Variants in MARF1 observed in about 807,000 individuals in gnomAD.
MARF1 encodes limkain-b1.
In MARF1, 24 loss-of-function variants were observed where a neutral mutation model predicts 168.2. The observed-to-expected ratio is 0.14, with a 90% CI of 0.10 to 0.20. The LOEUF is 0.20. Ranked by LOEUF, MARF1 falls within the 10% of genes least tolerant of loss-of-function variation. MARF1 has a pLI of 1.00. For missense variants in MARF1, 1,744 were observed against 2,143.6 expected, an observed-to-expected ratio of 0.81 and a Z score of 3.68; for synonymous variants, 868 against 822.4, an observed-to-expected ratio of 1.06 and a Z score of -0.95.
At chr16:15,623,368 C>G (rs921074815) in intron 10 of MARF1, among the ~76,000 whole-genome samples, 2 of 150,528 alleles carry the variant, frequency 1.3e-5, no homozygotes, top group Non-Finnish European at 2.9e-5. Context: ...CAACCTCCAC[C>G]TCCTGGATTC....
In MARF1 at chr16:15,624,914, T is replaced by G; in HGVS notation, c.2125A>C (p.Ser709Arg). Residue 709 changes from serine to arginine, a missense_variant, in exon 10 of 27, where the codon AGT becomes CGT. Ser to Arg is a moderately radical substitution (Grantham distance 110). Coordinates refer to ENST00000396368, the MANE Select transcript of MARF1 (RefSeq NM_014647.4). Reference protein sequence around the residue: ...YKTSQKKENLSARSVTSSPVE... With the variant: ...YKTSQKKENLRARSVTSSPVE... Reference sequence around the variant, plus strand: ...GGAGAACTGGTAACACTTCGGGCACTGAGGTTCTCCTTTCTAACAGAAGGG... The same window carrying G: ...GGAGAACTGGTAACACTTCGGGCACGGAGGTTCTCCTTTCTAACAGAAGGG... The G allele has an allele frequency of 6.2e-7, 1 of 1,614,142 alleles. No homozygotes were observed. The highest frequency in any genetic ancestry group is 8.5e-7 in the Non-Finnish European group (1 of 1,180,012).
rs1167226667 is a variant in MARF1 at position 15,643,064 on chromosome 16, TC to T, written c.-106del. The T allele has an allele frequency of 1.4e-5, 4 of 280,286 alleles. No individual in the cohort carries two copies. Among genetic ancestry groups the T allele is most frequent in the Non-Finnish European group, 2.7e-5 (4 of 146,238 alleles). 17.4% of individuals were successfully genotyped at this position (280,286 alleles called of 1,614,324 possible). A position where few individuals can be genotyped will look rare whatever the true frequency, so the allele number is the denominator to read the frequency against. On this transcript the variant is annotated 5_prime_UTR_variant, in exon 1 of 27. Coordinates refer to ENST00000396368, the MANE Select transcript of MARF1 (RefSeq NM_014647.4). ...CGCTCACATTCCGGCCCCGCCGCCT[TC>T]CCCCCGCCCCCCCCAGGCCCTTTGT...
At chr16:15,619,512 C>G (rs758877570) in intron 13 of MARF1, among the ~76,000 whole-genome samples, 91 of 152,294 alleles carry the variant, frequency 6.0e-4, no homozygotes, top group Admixed American at 1.8e-3. Context: ...CACCTTTCCC[C>G]TCCCCTCCTT....
Position 15,604,281 on chromosome 16 carries a change from C to G in MARF1, c.4300G>C (p.Val1434Leu). Reference protein sequence around the residue: ...MSWEGTTHLSVEELKRHYEST... With the variant: ...MSWEGTTHLSLEELKRHYEST... ...TCGTAATGTCTCTTGAGCTCCTCAACAGAAAGATGGGTGGTTCCTTCCCAA... is the reference window on the plus strand; with the variant it reads ...TCGTAATGTCTCTTGAGCTCCTCAAGAGAAAGATGGGTGGTTCCTTCCCAA... Residue 1434 changes from valine (V) to leucine (L), a missense_variant, in exon 22 of 27, where the codon GTT becomes CTT. Val to Leu is a conservative substitution (Grantham distance 32). Coordinates refer to ENST00000396368, the MANE Select transcript of MARF1 (RefSeq NM_014647.4). The G allele has an allele frequency of 6.2e-7, 1 of 1,613,934 alleles. No individual in the cohort carries two copies. Among genetic ancestry groups the G allele is most frequent in the Non-Finnish European group, 8.5e-7 (1 of 1,179,828 alleles).
intron 13 of MARF1, among the ~76,000 whole-genome samples, chr16:15,618,978 TA>T (rs1276837862): frequency 6.6e-6 from 1 of 152,210 alleles, no homozygotes; most frequent in African/African-American, 2.4e-5. Context: ...GCTTGCTACA[TA>T]AAACTAGTTA....
Position 15,611,651 on chromosome 16 carries a change from A to G in MARF1, c.3558T>C (p.Leu1186=). 6.2e-7 allele frequency: 1 copy of G among 1,614,076 alleles called. No homozygotes were observed. The highest frequency in any genetic ancestry group is 8.5e-7 in the Non-Finnish European group (1 of 1,179,994). ...VKRFTQDLLK[L]LKSQASKQVI... ...CCTGTTTGCTGGCCTGGGATTTGAG[A>G]AGTTTTAGTAAATCCTGAGTAAAGC... The change falls in exon 18 of 27, where the codon CTT becomes CTC. Residue 1186 remains leucine, a synonymous_variant. Coordinates refer to ENST00000396368, the MANE Select transcript of MARF1 (RefSeq NM_014647.4).
intron 26 of MARF1, among the ~76,000 whole-genome samples, chr16:15,598,328 T>C (rs1279954231): frequency 6.6e-6 from 1 of 152,172 alleles, no homozygotes; most frequent in Admixed American, 6.5e-5. Flanking sequence ...TGATGGTGTC[T>C]GTCAGCCCTG....
intron 2 of MARF1, 76 bp downstream of exon 2, chr16:15,639,014 T>C (rs1256897884): frequency 2.8e-6 from 4 of 1,442,170 alleles, no homozygotes; most frequent in African/African-American, 1.4e-5. Flanking sequence ...TGAGAGACTG[T>C]ATCCCAGACC....
chr16:15,638,927 T>C (rs2035769934), intron 2 of MARF1, among the ~76,000 whole-genome samples, 163 bp downstream of exon 2: 1 of 152,238 alleles, frequency 6.6e-6, no homozygotes, highest in Admixed American at 6.5e-5. Context: ...AAAATTGTGC[T>C]GTGCTCTCAC....
intron 10 of MARF1, among the ~76,000 whole-genome samples, chr16:15,624,072 C>T (rs1015398760): frequency 1.3e-5 from 2 of 152,078 alleles, no homozygotes; most frequent in Admixed American, 1.3e-4. Flanking sequence ...CTACCACGCC[C>T]GGCTAATTTT....
At chr16:15,602,467 TGAAGACAAAGAACAA>T (rs1567530680) in intron 22 of MARF1, 2 of 594,156 alleles carry the variant, frequency 3.4e-6, no homozygotes, top group South Asian at 3.6e-5. Flanking sequence ...ACGACAAAGA[TGAAGACAAAGAACAA>T]GAAGACGAAG....
At chr16:15,614,464 A>G (rs2033873888) in intron 16 of MARF1, among the ~76,000 whole-genome samples, 1 of 121,198 alleles carries the variant, frequency 8.3e-6, no homozygotes, top group Non-Finnish European at 1.7e-5. Context: ...GCCTGGTGAC[A>G]GAGGGTGACT....
chr16:15,597,025 A>G (rs1002097897), intron 26 of MARF1, 88 bp from the exon 27 acceptor site: 2 of 1,405,568 alleles, frequency 1.4e-6, no homozygotes, highest in African/African-American at 2.9e-5. Flanking sequence ...TTCTCAAAAG[A>G]TAATAATAGT....
At chr16:15,628,612 T>C (rs557222778) in intron 7 of MARF1, among the ~76,000 whole-genome samples, 1 of 152,266 alleles carries the variant, frequency 6.6e-6, no homozygotes. Context: ...TTTCGCCACA[T>C]CGGCCAGGCT....
intron 1 of MARF1, among the ~76,000 whole-genome samples, chr16:15,640,036 T>C (rs1175950896): frequency 1.3e-5 from 2 of 152,160 alleles, no homozygotes; most frequent in Admixed American, 1.3e-4. Flanking sequence ...TTTTCTACAG[T>C]TTTTCTGAAT....
intron 21 of MARF1, among the ~76,000 whole-genome samples, chr16:15,608,023 T>A (rs961904348): frequency 6.6e-6 from 1 of 151,792 alleles, no homozygotes; most frequent in Admixed American, 6.6e-5. Flanking sequence ...GGGTGAAGAG[T>A]GACCTCATCA....
In MARF1 at chr16:15,621,831, G is replaced by T. The variant is rs746118685; in HGVS notation, c.2541C>A (p.Ile847=). 1 of 1,613,962 alleles carries T rather than the reference G, an allele frequency of 6.2e-7. No individual in the cohort carries two copies. The highest frequency in any genetic ancestry group is 2.2e-5 in the East Asian group (1 of 44,894). Residue 847 remains isoleucine (I), a synonymous_variant, in exon 12 of 27, where the codon ATC becomes ATA. Coordinates refer to ENST00000396368, the MANE Select transcript of MARF1 (RefSeq NM_014647.4). The part of the protein sequence containing the change: ...VVQMENLQDA[I]GAVNSLHRYK... Reference sequence around the variant, plus strand: ...ATCTGTGGAGGCTATTCACTGCACCGATCGCATCTTGTAAGTTTTCCATTT... The same window carrying T: ...ATCTGTGGAGGCTATTCACTGCACCTATCGCATCTTGTAAGTTTTCCATTT...
In MARF1 at chr16:15,636,313, A is replaced by C; in HGVS notation, c.174T>G (p.Ala58=). The C allele has an allele frequency of 6.4e-7, 1 of 1,571,402 alleles. No individual in the cohort carries two copies. Among genetic ancestry groups the C allele is most frequent in the South Asian group, 1.2e-5 (1 of 85,516 alleles). ...GTGATGGTACATCCTTTAGTTCCAC[A>C]GCAACTTTCTTGTTCTCCATGTACT... ...TKEYMENKKV[A]VELKDVPSPL... Residue 58 remains alanine (A), a synonymous_variant, in exon 3 of 27, where the codon GCT becomes GCG. Coordinates refer to ENST00000396368, the MANE Select transcript of MARF1 (RefSeq NM_014647.4).
chr16:15,607,995 C>A (rs1240072608), intron 21 of MARF1, among the ~76,000 whole-genome samples: 3 of 152,186 alleles, frequency 2.0e-5, no homozygotes, highest in African/African-American at 7.2e-5. Flanking sequence ...GGCAGCTGCA[C>A]CTCATGACCG....
Sources: gnomAD v4.1 joint callset for allele counts (sites outside exome capture counted in the v4.1 genomes callset) on GRCh38, gnomAD v4.1.1 for gene constraint, MANE v1.5 for transcripts, NCBI Gene and HGNC (gene_info 2026-07-23, HGNC 2026-07-21) for gene names.